The following BICDL1 variants were observed in gnomAD, a reference collection of about 807,000 sequenced individuals.
BICDL1 encodes the protein BICD family-like cargo adapter 1.
Under a neutral mutation model 76.8 loss-of-function variants are expected in BICDL1, and 20 were observed. The ratio of observed to expected loss-of-function variants is 0.26; its 90% CI spans 0.18 to 0.38. The LOEUF (loss-of-function observed/expected upper bound fraction) is 0.38. BICDL1 is among the 10% of genes least tolerant of loss of function. BICDL1 has a pLI of 1.00. For missense variants in BICDL1, 700 were observed against 798.6 expected (o/e 0.88, Z 1.49); for synonymous variants, 383 against 337.1 (o/e 1.14, Z -1.49).
intron 2 of BICDL1, among the ~76,000 whole-genome samples, chr12:120,000,904 G>A (rs1047534826): frequency 6.6e-6 from 1 of 152,192 alleles, no homozygotes; most frequent in Non-Finnish European, 1.5e-5. Flanking sequence ...ATTTGTTTCA[G>A]TGTTGATGGT....
rs545926547 is a variant in BICDL1, at chr12:120,092,474, C to T, written c.1705-526C>T. Reference sequence around the variant, plus strand: ...GGGCATCCTTGCCACGTGAGGCTGCCGTTGGTGCCTGGGCATCAGTAGCTC... The same window carrying T: ...GGGCATCCTTGCCACGTGAGGCTGCTGTTGGTGCCTGGGCATCAGTAGCTC... On this transcript the variant is annotated intron_variant, in intron 9 of 9. Coordinates refer to ENST00000548673, the MANE Select transcript of BICDL1 (RefSeq NM_001367886.1). 79 of 985,462 alleles carry T rather than the reference C, an allele frequency of 8.0e-5. No individual in the cohort carries two copies. The African/African-American group carries it at 1.3e-3, about 16-fold the overall frequency. 61.0% of individuals were successfully genotyped at this position (985,462 alleles called of 1,614,324 possible).
intron 2 of BICDL1, among the ~76,000 whole-genome samples, chr12:120,029,780 AG>A (rs1395527212): frequency 6.6e-6 from 1 of 151,978 alleles, no homozygotes; most frequent in East Asian, 1.9e-4. Context: ...TCAGCCTCCC[AG>A]GTAGCTGGGA....
chr12:120,080,606 C>T, intron 7 of BICDL1: 1 of 289,580 alleles, frequency 3.5e-6, no homozygotes, highest in Non-Finnish European at 6.9e-6. Context: ...GGTAGTATGC[C>T]GTGCTGAGTG....
chr12:120,094,209 A>G lies in BICDL1; in HGVS notation c.*1048A>G, dbSNP rs533365394. The G allele has an allele frequency of 5.5e-5, 25 of 455,788 alleles. No individual in the cohort carries two copies. Among genetic ancestry groups the G allele is most frequent in the Admixed American group, 4.7e-4 (20 of 42,458 alleles). The allele number at this position is 455,788 out of a possible 1,614,324, so 28.2% of individuals were successfully genotyped here. A position where few individuals can be genotyped will look rare whatever the true frequency, so the allele number is the denominator to read the frequency against. ...CCCCTCCTCCTCCACCCAGGCCCCAACTCAGAGGCTCCGCGGCCCGGCCAG... is the reference window on the plus strand; with the variant it reads ...CCCCTCCTCCTCCACCCAGGCCCCAGCTCAGAGGCTCCGCGGCCCGGCCAG... On this transcript the variant is annotated 3_prime_UTR_variant, in exon 10 of 10. Coordinates refer to ENST00000548673, the MANE Select transcript of BICDL1 (RefSeq NM_001367886.1).
intron 2 of BICDL1, among the ~76,000 whole-genome samples, chr12:120,054,554 CT>C (rs1178908178): frequency 6.6e-6 from 1 of 152,084 alleles, no homozygotes; most frequent in Non-Finnish European, 1.5e-5. Flanking sequence ...AAAGGAAATA[CT>C]TGATGGAATA....
chr12:120,008,013 A>G (rs894294657), intron 2 of BICDL1, among the ~76,000 whole-genome samples: 5 of 152,136 alleles, frequency 3.3e-5, no homozygotes, highest in South Asian at 2.1e-4. Context: ...TAGTCATCCT[A>G]TTCTAGAAAG....
Position 120,027,465 on chromosome 12 carries a change from G to A in BICDL1, c.645+28729G>A, listed in dbSNP as rs78459277. On this transcript the variant is annotated intron_variant, in intron 2 of 9. Coordinates refer to ENST00000548673, the MANE Select transcript of BICDL1 (RefSeq NM_001367886.1). ...ATCTCATTTGAGATTGAAAATGGTG[G>A]TATTAGATATTACCCTTTTCTACAG... is the stretch of plus-strand genomic sequence containing the variant. Among the ~76,000 whole-genome samples, 658 of 152,192 alleles carry A rather than the reference G, an allele frequency of 4.3e-3. 3 individuals carry two copies. Among genetic ancestry groups the A allele is most frequent in the African/African-American group, 0.015 (625 of 41,522 alleles).
chr12:120,020,880 T>A (rs1952165241), intron 2 of BICDL1, among the ~76,000 whole-genome samples: 1 of 152,178 alleles, frequency 6.6e-6, no homozygotes. Flanking sequence ...CTTGTGAAAA[T>A]TATTTCACCT....
chr12:120,005,564 C>T (rs1344845837), intron 2 of BICDL1, among the ~76,000 whole-genome samples: 3 of 151,978 alleles, frequency 2.0e-5, no homozygotes, highest in South Asian at 4.1e-4. Flanking sequence ...AGTAGAGATG[C>T]GGTTTTGCCA....
chr12:120,023,153 A>G (rs1020323177), intron 2 of BICDL1, among the ~76,000 whole-genome samples: 4 of 152,212 alleles, frequency 2.6e-5, no homozygotes, highest in African/African-American at 4.8e-5. Context: ...GGCCACATCA[A>G]AAGAAGAATT....
chr12:120,030,439 G>A (rs978493453), intron 2 of BICDL1, among the ~76,000 whole-genome samples: 2 of 152,250 alleles, frequency 1.3e-5, no homozygotes, highest in African/African-American at 4.8e-5. Context: ...ACAGGCTTGC[G>A]TCACTTGGAG....
intron 7 of BICDL1, among the ~76,000 whole-genome samples, chr12:120,080,459 G>A (rs1418483142): frequency 6.6e-6 from 1 of 152,178 alleles, no homozygotes; most frequent in Non-Finnish European, 1.5e-5. Flanking sequence ...AATCATCCAG[G>A]GCTCTGTTGA....
chr12:120,093,169 G>C lies in BICDL1; in HGVS notation c.*8G>C. The C allele has an allele frequency of 6.3e-7, 1 of 1,579,154 alleles. No individual in the cohort carries two copies. Among genetic ancestry groups the C allele is most frequent in the Non-Finnish European group, 8.6e-7 (1 of 1,161,898 alleles). On this transcript the variant is annotated 3_prime_UTR_variant, in exon 10 of 10. Coordinates refer to ENST00000548673, the MANE Select transcript of BICDL1 (RefSeq NM_001367886.1). Reference sequence around the variant, plus strand: ...TTCTTCAGGAAAATTTAAGTTGGGAGGAGTCAGGCCACCAAAGATGGGTGG... The same window carrying C: ...TTCTTCAGGAAAATTTAAGTTGGGACGAGTCAGGCCACCAAAGATGGGTGG...
intron 2 of BICDL1, among the ~76,000 whole-genome samples, chr12:120,032,938 G>T (rs1247418482): frequency 1.3e-5 from 2 of 151,790 alleles, no homozygotes; most frequent in Non-Finnish European, 2.9e-5. Flanking sequence ...GTAGAGATAG[G>T]GTTTCACCAT....
chr12:120,084,457 G>A (rs1874241228), intron 8 of BICDL1, among the ~76,000 whole-genome samples: 1 of 152,140 alleles, frequency 6.6e-6, no homozygotes, highest in African/African-American at 2.4e-5. Flanking sequence ...CCGTCTTCCT[G>A]ACACCCTTTT....
chr12:119,997,275 C>G (rs1250551732), intron 1 of BICDL1, among the ~76,000 whole-genome samples: 1 of 152,108 alleles, frequency 6.6e-6, no homozygotes, highest in Non-Finnish European at 1.5e-5. Context: ...TCCCTCAATC[C>G]AAAGAAATCT....
At chr12:120,029,527 A>G (rs1190573345) in intron 2 of BICDL1, among the ~76,000 whole-genome samples, 1 of 152,216 alleles carries the variant, frequency 6.6e-6, no homozygotes, top group Non-Finnish European at 1.5e-5. Context: ...AGAATTAAAA[A>G]TGTCTTATGG....
intron 7 of BICDL1, among the ~76,000 whole-genome samples, chr12:120,074,875 G>T (rs1001439207): frequency 1.3e-5 from 2 of 152,218 alleles, no homozygotes; most frequent in Non-Finnish European, 2.9e-5. Context: ...GGTAGATGCT[G>T]ACAGCCCTCG....
chr12:120,042,006 G>C (rs1952651498), intron 2 of BICDL1, among the ~76,000 whole-genome samples: 1 of 152,062 alleles, frequency 6.6e-6, no homozygotes, highest in African/African-American at 2.4e-5. Context: ...GAATTGCTGT[G>C]CTGCAGAGAG....
Sources: allele counts gnomAD v4.1 joint callset (sites outside exome capture counted in the v4.1 genomes callset), GRCh38; gene constraint gnomAD v4.1.1; transcripts MANE v1.5; gene names NCBI Gene and HGNC (gene_info 2026-07-23, HGNC 2026-07-21).